The following NCALD variants were observed in gnomAD, a reference collection of about 807,000 sequenced individuals.
NCALD encodes neurocalcin-delta.
NCALD carries 10 observed loss-of-function variants against 18.6 expected under a neutral mutation model. The ratio of observed to expected loss-of-function variants is 0.54; its 90% CI spans 0.33 to 0.91. NCALD has a LOEUF of 0.91. NCALD is among the 40% of genes least tolerant of loss of function. NCALD has a pLI of 0.03. For missense variants in NCALD, 184 were observed against 247.6 expected, an observed-to-expected ratio of 0.74 and a Z score of 1.72; for synonymous variants, 88 against 87.4, an observed-to-expected ratio of 1.01 and a Z score of -0.04.
In NCALD at chr8:101,819,189, GAATTGAATATACCATTTT is replaced by G. The variant is rs1274310222; in HGVS notation, c.-20+67934_-20+67951del. Reference sequence around the variant, plus strand: ...CTGTAATTGTTACTGACACTAACAAGAATTGAATATACCATTTTCCCACAGGCTTGTCAGCACTACATC... The same window carrying G: ...CTGTAATTGTTACTGACACTAACAAGCCCACAGGCTTGTCAGCACTACATC... On this transcript the variant is annotated intron_variant, in intron 4 of 6. Transcript: ENST00000311028. Among the ~76,000 whole-genome samples the G allele has an allele frequency of 2.0e-5, 3 of 151,940 alleles. No individual in the cohort carries two copies. In the South Asian group the frequency reaches 6.2e-4, roughly 32 times the overall value.
chr8:102,103,094 T>C (rs1825339579), intron 1 of NCALD, among the ~76,000 whole-genome samples: 1 of 152,002 alleles, frequency 6.6e-6, no homozygotes, highest in South Asian at 2.1e-4. Flanking sequence ...ACCAGATGAG[T>C]AAGGGGAGAC....
chr8:101,711,663 G>A (rs1815799620), intron 2 of NCALD, among the ~76,000 whole-genome samples: 2 of 151,678 alleles, frequency 1.3e-5, no homozygotes, highest in Admixed American at 1.3e-4. Context: ...GCAGAAGAAA[G>A]GGTATCAGAG....
chr8:101,725,784 G>A (rs928724495), intron 1 of NCALD, among the ~76,000 whole-genome samples: 1 of 152,182 alleles, frequency 6.6e-6, no homozygotes, highest in Non-Finnish European at 1.5e-5. Context: ...GGTCAAGGGA[G>A]CTCTCCCATC....
chr8:102,015,144 C>T (rs1474749338), intron 2 of NCALD, among the ~76,000 whole-genome samples: 4 of 152,170 alleles, frequency 2.6e-5, no homozygotes, highest in Non-Finnish European at 5.9e-5. Context: ...TTGTGTACTC[C>T]TCTTCTGAGA....
intron 4 of NCALD, among the ~76,000 whole-genome samples, chr8:101,825,969 C>A (rs1813920834): frequency 2.0e-5 from 3 of 152,218 alleles, no homozygotes; most frequent in Admixed American, 2.0e-4. Flanking sequence ...ATTTAGATGG[C>A]AAGGCCAAAA....
At chr8:101,872,441 G>T in intron 4 of NCALD, 1 of 1,055,174 alleles carries the variant, frequency 9.5e-7, no homozygotes, top group South Asian at 1.3e-5. Context: ...AGGATGTGCT[G>T]CTCCTCTTCT....
chr8:101,896,709 A>G (rs1817192353), intron 3 of NCALD, among the ~76,000 whole-genome samples: 1 of 147,148 alleles, frequency 6.8e-6, no homozygotes, highest in African/African-American at 2.7e-5. Flanking sequence ...GGTGAAGGAC[A>G]TGAACAGACG....
At chr8:101,893,227 G>A (rs935330813) in intron 3 of NCALD, among the ~76,000 whole-genome samples, 23 of 151,844 alleles carry the variant, frequency 1.5e-4, no homozygotes, top group Non-Finnish European at 3.1e-4. Flanking sequence ...TTAAAGAAAA[G>A]AATTGTCAAC....
chr8:101,793,979 C>T (rs1313322708), upstream of NCALD, among the ~76,000 whole-genome samples: 2 of 152,158 alleles, frequency 1.3e-5, no homozygotes, highest in African/African-American at 4.8e-5. Flanking sequence ...TCTCCTCTGT[C>T]TTAACGTTAA....
chr8:102,007,083 G>T (rs950031675), intron 2 of NCALD, among the ~76,000 whole-genome samples: 1 of 152,116 alleles, frequency 6.6e-6, no homozygotes, highest in Non-Finnish European at 1.5e-5. Flanking sequence ...AAAAACTATC[G>T]CAGATCCAAG....
chr8:102,019,676 A>C (rs1303862808), intron 2 of NCALD, among the ~76,000 whole-genome samples: 1 of 152,204 alleles, frequency 6.6e-6, no homozygotes, highest in African/African-American at 2.4e-5. Flanking sequence ...ATTTATGACT[A>C]AAACTTAGCA....
chr8:102,081,627 T>C (rs528564072), intron 1 of NCALD, among the ~76,000 whole-genome samples: 3 of 149,966 alleles, frequency 2.0e-5, no homozygotes, highest in Non-Finnish European at 3.0e-5. Context: ...TTCCGAACTC[T>C]GCAATTCTCC....
rs993986588 is a variant in NCALD at position 102,050,872 on chromosome 8, T to G, written c.-209-30583A>C. Among the ~76,000 whole-genome samples the G allele has an allele frequency of 1.2e-4, 17 of 146,900 alleles. No individual in the cohort carries two copies. In the East Asian group the frequency reaches 3.1e-3, roughly 27 times the overall value. ...TTTAATTAATTAATTTAATTAATTT[T>G]TAATTTAATTGATTATTAATTTAAT... On this transcript the variant is annotated intron_variant, in intron 1 of 6. Transcript: ENST00000311028.
intron 1 of NCALD, among the ~76,000 whole-genome samples, chr8:101,782,818 A>G (rs572336477): frequency 6.6e-6 from 1 of 152,288 alleles, no homozygotes; most frequent in East Asian, 1.9e-4. Flanking sequence ...AGAGATGTAA[A>G]GAGGAGGCAC....
chr8:101,943,267 G>A (rs1051619512), intron 2 of NCALD, among the ~76,000 whole-genome samples: 7 of 152,200 alleles, frequency 4.6e-5, no homozygotes, highest in Non-Finnish European at 7.3e-5. Context: ...CACCAAGGCT[G>A]CCATCCTAGA....
chr8:101,709,031 T>C (rs1264579342), intron 2 of NCALD, among the ~76,000 whole-genome samples: 1 of 152,102 alleles, frequency 6.6e-6, no homozygotes, highest in Non-Finnish European at 1.5e-5. Context: ...AAGAATTGGA[T>C]AAAACACACA....
intron 1 of NCALD, among the ~76,000 whole-genome samples, chr8:102,030,175 T>C (rs997671160): frequency 6.6e-6 from 1 of 152,218 alleles, no homozygotes; most frequent in African/African-American, 2.4e-5. Context: ...ACAGAAACCA[T>C]GTATTCCCTT....
chr8:101,901,902 T>C (rs1442946232), intron 3 of NCALD, among the ~76,000 whole-genome samples: 1 of 152,146 alleles, frequency 6.6e-6, no homozygotes, highest in Non-Finnish European at 1.5e-5. Context: ...GTGATTCTCC[T>C]GCCTCAGCCG....
At chr8:102,044,560 C>T (rs569407140) in intron 1 of NCALD, among the ~76,000 whole-genome samples, 16 of 152,270 alleles carry the variant, frequency 1.1e-4, no homozygotes, top group East Asian at 7.7e-4. Flanking sequence ...GCCTATAACG[C>T]GGTAATCACT....
Sources: gnomAD v4.1 joint callset for allele counts (sites outside exome capture counted in the v4.1 genomes callset) on GRCh38, gnomAD v4.1.1 for gene constraint, MANE v1.5 for transcripts, NCBI Gene and HGNC (gene_info 2026-07-23, HGNC 2026-07-21) for gene names.